Variants in ARHGAP42 observed in about 807,000 individuals in gnomAD.
ARHGAP42 encodes the protein rho GTPase-activating protein 42.
A neutral mutation model predicts 125.0 loss-of-function variants in ARHGAP42; 63 were observed. The ratio of observed to expected loss-of-function variants is 0.50; its 90% CI spans 0.41 to 0.62. The LOEUF (loss-of-function observed/expected upper bound fraction) is 0.62, where lower values mean the gene tolerates loss of function less well. Ranked by LOEUF, ARHGAP42 falls within the 20% of genes least tolerant of loss-of-function variation. The probability of loss-of-function intolerance (pLI) is 0.00; values close to 1 mark genes in which losing one functional copy is unlikely to be tolerated. For synonymous variants in ARHGAP42, 339 were observed against 351.0 expected, an observed-to-expected ratio of 0.97 and a Z score of 0.38; for missense variants, 766 against 1,024.2, an observed-to-expected ratio of 0.75 and a Z score of 3.44.
At chr11:100,803,095 G>A (rs765163870) in intron 3 of ARHGAP42, among the ~76,000 whole-genome samples, 24 of 152,034 alleles carry the variant, frequency 1.6e-4, no homozygotes, top group Non-Finnish European at 2.4e-4. Context: ...GGTGGGGGAT[G>A]TTGCTGTTTA....
At chr11:100,766,366 C>T (rs897187624) in intron 1 of ARHGAP42, among the ~76,000 whole-genome samples, 1 of 152,038 alleles carries the variant, frequency 6.6e-6, no homozygotes, top group African/African-American at 2.4e-5. Flanking sequence ...TGGGATCTTT[C>T]ATTTTATATT....
intron 6 of ARHGAP42, 78 bp from the exon 7 acceptor site, chr11:100,933,078 A>T: frequency 1.0e-6 from 1 of 965,376 alleles, no homozygotes; most frequent in Non-Finnish European, 1.5e-6. Context: ...AATGAAATAT[A>T]ATTTTCTCCC....
chr11:100,800,941 G>A (rs988173194), intron 3 of ARHGAP42, among the ~76,000 whole-genome samples: 5 of 152,058 alleles, frequency 3.3e-5, no homozygotes, highest in Non-Finnish European at 7.4e-5. Context: ...TGATAGTATA[G>A]GTTTAATATC....
Position 100,970,594 on chromosome 11 carries a change from C to A in ARHGAP42, c.1551-2581C>A, listed in dbSNP as rs181126126. Among the ~76,000 whole-genome samples, 43 of 151,186 alleles carry A rather than the reference C, an allele frequency of 2.8e-4. 1 individual carries two copies. Among genetic ancestry groups the A allele is most frequent in the Admixed American group, 5.9e-4 (9 of 15,140 alleles). Reference sequence around the variant, plus strand: ...CTTGCCAGGTCACTTAAAAAAAAAACAAACAGTCTTTGAGATTTGTTATGA... The same window carrying A: ...CTTGCCAGGTCACTTAAAAAAAAAAAAAACAGTCTTTGAGATTTGTTATGA... On this transcript the variant is annotated intron_variant, in intron 17 of 23. Coordinates refer to ENST00000298815, the MANE Select transcript of ARHGAP42 (RefSeq NM_152432.4).
At chr11:100,851,292 A>G (rs1178413100) in intron 3 of ARHGAP42, among the ~76,000 whole-genome samples, 2 of 152,208 alleles carry the variant, frequency 1.3e-5, no homozygotes, top group South Asian at 2.1e-4. Context: ...TGCTAACAAG[A>G]GCAACAGCAT....
intron 3 of ARHGAP42, among the ~76,000 whole-genome samples, chr11:100,828,340 C>T (rs1319447409): frequency 6.6e-6 from 1 of 152,122 alleles, no homozygotes; most frequent in African/African-American, 2.4e-5. Context: ...TTATTTCAAG[C>T]CCTCAGAGCT....
chr11:100,710,786 G>A (rs764350561), intron 1 of ARHGAP42, among the ~76,000 whole-genome samples: 2 of 151,968 alleles, frequency 1.3e-5, no homozygotes, highest in African/African-American at 2.4e-5. Flanking sequence ...TGATCTGCCC[G>A]CCTCGGTCTC....
chr11:100,752,236 C>T (rs1288242450), intron 1 of ARHGAP42, among the ~76,000 whole-genome samples: 1 of 152,126 alleles, frequency 6.6e-6, no homozygotes, highest in Non-Finnish European at 1.5e-5. Flanking sequence ...ATAGGTGCAC[C>T]CACACCAAGC....
At chr11:100,788,339 CAG>C (rs955930838) in intron 2 of ARHGAP42, among the ~76,000 whole-genome samples, 1 of 152,112 alleles carries the variant, frequency 6.6e-6, no homozygotes, top group Non-Finnish European at 1.5e-5. Flanking sequence ...TGTGGAGAAC[CAG>C]ACTTAGATAC....
intron 1 of ARHGAP42, among the ~76,000 whole-genome samples, chr11:100,703,302 T>C (rs1861428193): frequency 1.3e-5 from 2 of 152,188 alleles, no homozygotes; most frequent in South Asian, 4.1e-4. Flanking sequence ...TCATCAAAAA[T>C]GAAAATAGCA....
intron 4 of ARHGAP42, among the ~76,000 whole-genome samples, chr11:100,888,244 A>T (rs527303811): frequency 1.3e-5 from 2 of 151,982 alleles, no homozygotes; most frequent in African/African-American, 4.8e-5. Context: ...TTTAAAAAAA[A>T]AAAGCTTTTC....
chr11:100,718,447 TGGA>T (rs577605681), intron 1 of ARHGAP42, among the ~76,000 whole-genome samples: 268 of 152,340 alleles, frequency 1.8e-3, no homozygotes, highest in Non-Finnish European at 2.7e-3. Context: ...TTCAGACTTT[TGGA>T]GGAGTATAGC....
chr11:100,772,859 C>CA (rs773376582), intron 2 of ARHGAP42, among the ~76,000 whole-genome samples: 3 of 152,186 alleles, frequency 2.0e-5, no homozygotes, highest in Non-Finnish European at 4.4e-5. Flanking sequence ...TATTTTGAGA[C>CA]AGAGTCTTGC....
At chr11:100,951,892 A>T (rs529561581) in intron 12 of ARHGAP42, among the ~76,000 whole-genome samples, 63 of 152,186 alleles carry the variant, frequency 4.1e-4, no homozygotes, top group Middle Eastern at 3.4e-3. Flanking sequence ...GCTCCTTGTG[A>T]CAGAACCCGT....
At chr11:100,778,162 G>C (rs148711703) in intron 2 of ARHGAP42, among the ~76,000 whole-genome samples, 2 of 151,618 alleles carry the variant, frequency 1.3e-5, no homozygotes, top group African/African-American at 4.8e-5. Flanking sequence ...AACATGTTGA[G>C]ACCCTGTCTC....
chr11:100,977,197 C>T (rs1488633855), intron 21 of ARHGAP42, among the ~76,000 whole-genome samples: 1 of 152,156 alleles, frequency 6.6e-6, no homozygotes, highest in Non-Finnish European at 1.5e-5. Context: ...CAAGCACTTT[C>T]CTTTGAAGCA....
chr11:100,945,311 A>C (rs867678069), intron 10 of ARHGAP42, among the ~76,000 whole-genome samples: 2 of 130,658 alleles, frequency 1.5e-5, no homozygotes, highest in Middle Eastern at 3.8e-3. Flanking sequence ...AACCCCTCCA[A>C]CTCATCCCTG....
chr11:100,783,503 G>A (rs530333393), intron 2 of ARHGAP42, among the ~76,000 whole-genome samples: 1 of 152,252 alleles, frequency 6.6e-6, no homozygotes, highest in South Asian at 2.1e-4. Context: ...CAGTGGGAGG[G>A]TGGTACTGTT....
rs200325839 is a variant in ARHGAP42 at position 100,992,352 on chromosome 11, G to A, written c.*3551G>A. On this transcript the variant is annotated 3_prime_UTR_variant, in exon 24 of 24. Coordinates refer to ENST00000298815, the MANE Select transcript of ARHGAP42 (RefSeq NM_152432.4). Reference sequence around the variant, plus strand: ...GTAGGACCCGGAAATCACATCTCCTGGTCAGGTCACGAAAAAGAACACAGG... The same window carrying A: ...GTAGGACCCGGAAATCACATCTCCTAGTCAGGTCACGAAAAAGAACACAGG... 9 of 1,613,012 alleles carry A rather than the reference G, an allele frequency of 5.6e-6. No individual in the cohort carries two copies. The African/African-American group carries it at 9.3e-5, about 17-fold the overall frequency.
Sources: gnomAD v4.1 joint callset for allele counts (sites outside exome capture counted in the v4.1 genomes callset) on GRCh38, gnomAD v4.1.1 for gene constraint, MANE v1.5 for transcripts, NCBI Gene and HGNC (gene_info 2026-07-23, HGNC 2026-07-21) for gene names.